KLHL29: variants seen among roughly 807,000 people sequenced by gnomAD.
KLHL29 encodes kelch like family member 29.
In KLHL29, 21 loss-of-function variants were observed where a neutral mutation model predicts 80.4. The observed-to-expected ratio is 0.26, with a 90% confidence interval of 0.19 to 0.38. The LOEUF (loss-of-function observed/expected upper bound fraction) is 0.38, where lower values mean the gene tolerates loss of function less well. Among genes scored for constraint, KLHL29 ranks in the 10% least tolerant of loss-of-function variants. The pLI, the probability that KLHL29 is intolerant of heterozygous loss-of-function variation, is 1.00. For missense variants in KLHL29, 867 were observed against 1,223.9 expected (o/e 0.71, Z 4.35); for synonymous variants, 511 against 526.8 (o/e 0.97, Z 0.41).
intron 5 of KLHL29, among the ~76,000 whole-genome samples, chr2:23,651,713 G>A (rs1367994805): frequency 1.3e-5 from 2 of 152,206 alleles, no homozygotes; most frequent in African/African-American, 4.8e-5. Flanking sequence ...CAACAGAAAT[G>A]TATTTTCTCA....
intron 3 of KLHL29, among the ~76,000 whole-genome samples, chr2:23,577,965 G>A (rs1667885615): frequency 6.6e-6 from 1 of 152,152 alleles, no homozygotes; most frequent in African/African-American, 2.4e-5. Context: ...GACTCCAGGA[G>A]CAGAAGAAAG....
chr2:23,441,247 C>A (rs747965351), intron 1 of KLHL29, among the ~76,000 whole-genome samples: 7 of 145,346 alleles, frequency 4.8e-5, no homozygotes, highest in Non-Finnish European at 1.0e-4. Flanking sequence ...CCAAACACCG[C>A]ATGTTCTCAC....
At chr2:23,625,611 G>A (rs1036367089) in intron 3 of KLHL29, among the ~76,000 whole-genome samples, 15 of 152,320 alleles carry the variant, frequency 9.8e-5, no homozygotes, top group African/African-American at 2.9e-4. Context: ...GGGGTCTAGC[G>A]GGCAAGATGG....
chr2:23,410,809 C>T (rs1368458327), intron 1 of KLHL29, among the ~76,000 whole-genome samples: 1 of 152,028 alleles, frequency 6.6e-6, no homozygotes, highest in Non-Finnish European at 1.5e-5. Context: ...GACGTAAACA[C>T]GGGAAACCAC....
Position 23,695,482 on chromosome 2 carries a change from A to T in KLHL29, c.1543-141A>T. On this transcript the variant is annotated intron_variant, in intron 8 of 13. Coordinates refer to ENST00000486442, the MANE Select transcript of KLHL29 (RefSeq NM_052920.2). This position sits in a 1 kb window ranked among gnomAD's most constrained non-coding sequence, Gnocchi z 7.6. Reference sequence around the variant, plus strand: ...ACTAGACTTCCCTTCACCTCTGTCTAGGCTAGCAGAGTATCTACACTCCCA... The same window carrying T: ...ACTAGACTTCCCTTCACCTCTGTCTTGGCTAGCAGAGTATCTACACTCCCA... 1 of 654,280 alleles carries T rather than the reference A, an allele frequency of 1.5e-6. No individual in the cohort carries two copies. The highest frequency in any genetic ancestry group is 2.6e-6 in the Non-Finnish European group (1 of 389,500). 40.5% of individuals were successfully genotyped at this position (654,280 alleles called of 1,614,324 possible).
Position 23,680,694 on chromosome 2 carries a change from GGT to G in KLHL29, c.941-3704_941-3703del. Among the ~76,000 whole-genome samples the G allele has an allele frequency of 2.0e-5, 3 of 151,438 alleles. No individual in the cohort carries two copies. The highest frequency in any genetic ancestry group is 4.4e-5 in the Non-Finnish European group (3 of 67,830). On this transcript the variant is annotated intron_variant, in intron 5 of 13. Transcript: ENST00000486442. The surrounding 1 kb of genome is among the most constrained non-coding windows in gnomAD (Gnocchi z 4.1). The stretch of plus-strand genomic sequence containing the variant: ...GGCTCTCTAGGCCATCTTCCCCTGG[GGT>G]CTCTAGGCCATCTTCCCCTGGGGTC...
chr2:23,458,246 A>G (rs1303550524), intron 1 of KLHL29, among the ~76,000 whole-genome samples: 8 of 152,192 alleles, frequency 5.3e-5, no homozygotes, highest in African/African-American at 1.9e-4. Context: ...TTTGTATTGA[A>G]TGTCTGCTTT....
At chr2:23,691,411 C>T (rs1671591968) in intron 6 of KLHL29, 3 of 536,898 alleles carry the variant, frequency 5.6e-6, no homozygotes, top group South Asian at 2.1e-5. Flanking sequence ...ATCCATAGCT[C>T]ATGCTTTTTG....
intron 2 of KLHL29, among the ~76,000 whole-genome samples, chr2:23,494,866 G>T (rs957069650): frequency 1.3e-5 from 2 of 152,058 alleles, no homozygotes; most frequent in Non-Finnish European, 2.9e-5. Context: ...CGTATCTGTC[G>T]TGCAGCTCAC....
intron 3 of KLHL29, among the ~76,000 whole-genome samples, chr2:23,563,289 G>A (rs895995018): frequency 6.6e-6 from 1 of 152,206 alleles, no homozygotes; most frequent in Non-Finnish European, 1.5e-5. Flanking sequence ...CTGGCTGCTC[G>A]GAGCCCCTCA....
intron 2 of KLHL29, among the ~76,000 whole-genome samples, chr2:23,514,890 T>C (rs1665875386): frequency 6.6e-6 from 1 of 152,158 alleles, no homozygotes; most frequent in African/African-American, 2.4e-5. Flanking sequence ...AACCCACCCA[T>C]CCTTCCAGTT....
At chr2:23,518,732 A>ACT (rs1344642801) in intron 2 of KLHL29, among the ~76,000 whole-genome samples, 2 of 152,058 alleles carry the variant, frequency 1.3e-5, no homozygotes, top group African/African-American at 2.4e-5. Context: ...ACACGCCAAC[A>ACT]CATGCACCTG....
At chr2:23,425,511 T>C (rs1011399290) in intron 1 of KLHL29, among the ~76,000 whole-genome samples, 1 of 152,182 alleles carries the variant, frequency 6.6e-6, no homozygotes, top group African/African-American at 2.4e-5. Context: ...TTAGGAGTGT[T>C]GCCTTTGAGT....
chr2:23,632,567 C>T (rs761100910), intron 3 of KLHL29, among the ~76,000 whole-genome samples: 11 of 152,228 alleles, frequency 7.2e-5, no homozygotes, highest in Non-Finnish European at 1.3e-4. Context: ...TCCTGGAGCT[C>T]GTAGCTGGTG....
chr2:23,637,046 G>A (rs769057038), intron 3 of KLHL29, among the ~76,000 whole-genome samples: 13 of 152,068 alleles, frequency 8.5e-5, no homozygotes, highest in Admixed American at 1.3e-4. Context: ...GATCCCACAC[G>A]GTGGAGAGGG....
chr2:23,528,994 C>G (rs927303255), intron 2 of KLHL29, among the ~76,000 whole-genome samples: 1 of 152,218 alleles, frequency 6.6e-6, no homozygotes, highest in Non-Finnish European at 1.5e-5. Flanking sequence ...TCCTCATGGC[C>G]CCCAGCCCAC....
chr2:23,646,853 A>G (rs562396464), intron 5 of KLHL29, among the ~76,000 whole-genome samples: 1 of 152,284 alleles, frequency 6.6e-6, no homozygotes, highest in East Asian at 1.9e-4. Flanking sequence ...CTCTTTCCTC[A>G]TCTTTAAAGT....
At chr2:23,408,842 G>T (rs1572488851) in intron 1 of KLHL29, among the ~76,000 whole-genome samples, 1 of 152,276 alleles carries the variant, frequency 6.6e-6, no homozygotes, top group South Asian at 2.1e-4. Context: ...CTAATCCCGA[G>T]TCCTGGTAGC....
chr2:23,527,145 G>T (rs987284535), intron 2 of KLHL29, among the ~76,000 whole-genome samples: 1 of 152,144 alleles, frequency 6.6e-6, no homozygotes, highest in South Asian at 2.1e-4. Flanking sequence ...TCCTTAACAT[G>T]GGCTCCCAGA....
Sources: allele counts gnomAD v4.1 joint callset (sites outside exome capture counted in the v4.1 genomes callset), GRCh38; gene constraint gnomAD v4.1.1; non-coding constraint Gnocchi (gnomAD v3.1); transcripts MANE v1.5; gene names NCBI Gene and HGNC (gene_info 2026-07-23, HGNC 2026-07-21).